Variants in TG observed in about 807,000 individuals in gnomAD.
The protein encoded by TG is thyroglobulin.
In TG, 270 loss-of-function variants were observed where a neutral mutation model predicts 324.7. The observed-to-expected ratio is 0.83, with a 90% confidence interval of 0.75 to 0.92. The LOEUF is 0.92. TG is among the 40% of genes least tolerant of loss of function. The probability of loss-of-function intolerance (pLI) is 0.00; values close to 1 mark genes in which losing one functional copy is unlikely to be tolerated. For synonymous variants in TG, 1,401 were observed against 1,327.0 expected (o/e 1.06, Z -1.21); for missense variants, 3,591 against 3,456.4 (o/e 1.04, Z -0.98).
intron 25 of TG, among the ~76,000 whole-genome samples, chr8:132,940,702 T>C (rs1203984250): frequency 6.6e-6 from 1 of 152,224 alleles, no homozygotes; most frequent in Non-Finnish European, 1.5e-5. Context: ...AGACAGCCCC[T>C]GGGTGGGGCC....
chr8:132,961,438 C>A (rs1360637867), intron 28 of TG, among the ~76,000 whole-genome samples: 1 of 152,124 alleles, frequency 6.6e-6, no homozygotes, highest in Non-Finnish European at 1.5e-5. Flanking sequence ...CACCCTGAGG[C>A]CCAGGGACTG....
intron 31 of TG, among the ~76,000 whole-genome samples, chr8:132,968,713 G>A (rs1829010755): frequency 1.3e-5 from 2 of 152,238 alleles, no homozygotes; most frequent in Non-Finnish European, 2.9e-5. Flanking sequence ...CTGTTGGGTT[G>A]CCCTTTGGGG....
At position 133,095,224 on chromosome 8, in the gene TG, C is replaced by A; in HGVS notation, c.7404+16C>A. 6.2e-7 allele frequency: 1 copy of A among 1,614,148 alleles called. No homozygotes were observed. Among genetic ancestry groups the A allele is most frequent in the Non-Finnish European group, 8.5e-7 (1 of 1,180,018 alleles). On this transcript the variant is annotated intron_variant, in intron 42 of 47. Transcript: ENST00000220616. ...CCAGACCAAGGTGAGCACTTAAGTG[C>A]AAGTTGGGAAGGGACATTCTCTGGT...
At chr8:133,114,733 G>A (rs765962428) in intron 44 of TG, among the ~76,000 whole-genome samples, 45 of 152,168 alleles carry the variant, frequency 3.0e-4, no homozygotes, top group Non-Finnish European at 5.7e-4. Context: ...AGGCCCATTT[G>A]CTTGTTGTCC....
chr8:132,876,407 T>G (rs1363531678), intron 5 of TG, among the ~76,000 whole-genome samples: 1 of 152,140 alleles, frequency 6.6e-6, no homozygotes, highest in East Asian at 1.9e-4. Context: ...ACAAGCTTTG[T>G]TTTGGGATGT....
At chr8:132,872,877 T>A (rs576566223) in intron 4 of TG, among the ~76,000 whole-genome samples, 185 bp from the exon 5 acceptor site, 22 of 152,286 alleles carry the variant, frequency 1.4e-4, no homozygotes, top group Admixed American at 1.4e-3. Context: ...CCAGGTGTGC[T>A]GTAGGCAAAC....
chr8:132,930,774 G>A (rs549791652), intron 23 of TG, among the ~76,000 whole-genome samples: 12 of 152,100 alleles, frequency 7.9e-5, no homozygotes, highest in African/African-American at 2.4e-4. Context: ...GGGAAAACAC[G>A]TCCATCTGTT....
rs748596718 is a variant in TG, at chr8:133,029,835, A to G, written c.7051A>G (p.Ser2351Gly). ...GFLSSGSGEV[S>G]GNWGLLDQVA... is the part of the protein sequence containing the mutation. ...CTTTTCTGAAGGGTCCGGAGAGGTG[A>G]GTGGCAACTGGGGGCTGCTGGACCA... Residue 2351 changes from serine to glycine, a missense_variant, in exon 41 of 48, where the codon AGT (serine) becomes GGT (glycine). Coordinates refer to ENST00000220616, the MANE Select transcript of TG (RefSeq NM_003235.5). The G allele has an allele frequency of 1.2e-6, 2 of 1,614,142 alleles. No individual in the cohort carries two copies. The highest frequency in any genetic ancestry group is 1.7e-6 in the Non-Finnish European group (2 of 1,179,970).
Position 133,013,717 on chromosome 8 carries a change from G to T in TG, c.6515G>T (p.Cys2172Phe). 6.2e-7 allele frequency: 1 copy of T among 1,613,560 alleles called. No individual in the cohort carries two copies. ...ACACATAGTCTGCAGGGTCAGAACT[G>T]CCGACTTCTGCTTCGTGAAGAGGCC... The part of the protein sequence containing the change: ...SCTHSLQGQN[C>F]RLLLREEATH... Residue 2172 changes from cysteine to phenylalanine, a missense_variant, in exon 37 of 48, where the codon TGC becomes TTC. By Grantham distance (205) the Cys-to-Phe change is radical. Coordinates refer to ENST00000220616, the MANE Select transcript of TG (RefSeq NM_003235.5).
At chr8:133,105,395 G>C (rs1268724025) in intron 43 of TG, among the ~76,000 whole-genome samples, 1 of 152,122 alleles carries the variant, frequency 6.6e-6, no homozygotes, top group Non-Finnish European at 1.5e-5. Flanking sequence ...GTAGGCACAG[G>C]CTACAGCAAA....
intron 23 of TG, among the ~76,000 whole-genome samples, chr8:132,931,083 C>G (rs1822651789): frequency 6.6e-6 from 1 of 152,200 alleles, no homozygotes; most frequent in Non-Finnish European, 1.5e-5. Flanking sequence ...GGCCAGAAGT[C>G]CAGGATCAAG....
At position 132,913,164 on chromosome 8, in the gene TG, A is replaced by T; in HGVS notation, c.4277A>T (p.Gln1426Leu). The part of the protein sequence containing the change: ...TFPAETIRFL[Q>L]GDHFGTSPRT... ...CCAGCGGAAACCATCCGCTTCCTCCAAGGGGACCACTTTGGCACCTCTCCC... is the reference window on the plus strand; with the variant it reads ...CCAGCGGAAACCATCCGCTTCCTCCTAGGGGACCACTTTGGCACCTCTCCC... Residue 1426 changes from glutamine to leucine, a missense_variant, in exon 20 of 48, where the codon CAA (glutamine) becomes CTA (leucine). Gln to Leu is a moderately radical substitution (Grantham distance 113). Coordinates refer to ENST00000220616, the MANE Select transcript of TG (RefSeq NM_003235.5). 1 of 1,614,096 alleles carries T rather than the reference A, an allele frequency of 6.2e-7. No individual in the cohort carries two copies. Among genetic ancestry groups the T allele is most frequent in the Non-Finnish European group, 8.5e-7 (1 of 1,180,018 alleles).
chr8:132,914,807 T>C (rs1224520028), intron 20 of TG, among the ~76,000 whole-genome samples: 2 of 152,030 alleles, frequency 1.3e-5, no homozygotes, highest in African/African-American at 4.8e-5. Context: ...CAGGAGTGGA[T>C]GGTGCCACCC....
At chr8:132,868,248 T>G in intron 2 of TG, 25 bp downstream of exon 2, 1 of 1,604,288 alleles carries the variant, frequency 6.2e-7, no homozygotes, top group Non-Finnish European at 8.5e-7. Flanking sequence ...AGCAGCGAAC[T>G]CTCAAGGTCC....
chr8:133,074,692 G>A (rs994763112), intron 41 of TG, among the ~76,000 whole-genome samples: 1 of 152,202 alleles, frequency 6.6e-6, no homozygotes, highest in East Asian at 1.9e-4. Context: ...ACTGCAGTGT[G>A]CTGGGCACCA....
At chr8:133,132,862 CA>C (rs750297431) in intron 46 of TG, among the ~76,000 whole-genome samples, 2 of 152,170 alleles carry the variant, frequency 1.3e-5, no homozygotes, top group South Asian at 2.1e-4. Flanking sequence ...TTTATATAAG[CA>C]AAGAAGAAGA....
chr8:133,036,216 G>A (rs1014061021), intron 41 of TG, among the ~76,000 whole-genome samples: 4 of 152,152 alleles, frequency 2.6e-5, no homozygotes, highest in African/African-American at 7.2e-5. Flanking sequence ...CCTGAAGGAT[G>A]TCCTGCCTGC....
intron 27 of TG, among the ~76,000 whole-genome samples, chr8:132,949,470 G>T (rs1202357693): frequency 1.3e-5 from 2 of 152,110 alleles, no homozygotes; most frequent in Admixed American, 1.3e-4. Flanking sequence ...TCCTTTAGTT[G>T]GGGGGACTGC....
At chr8:132,918,545 C>A (rs1820697546) in intron 20 of TG, among the ~76,000 whole-genome samples, 1 of 152,192 alleles carries the variant, frequency 6.6e-6, no homozygotes, top group Non-Finnish European at 1.5e-5. Flanking sequence ...AGACCAGAGA[C>A]AGTAGTTGCT....
Sources: allele counts gnomAD v4.1 joint callset (sites outside exome capture counted in the v4.1 genomes callset), GRCh38; gene constraint gnomAD v4.1.1; transcripts MANE v1.5; gene names NCBI Gene and HGNC (gene_info 2026-07-23, HGNC 2026-07-21).